Variants in SELENOT observed in about 807,000 individuals in gnomAD.
SELENOT encodes the protein selenoprotein T, also known as thioredoxin reductase-like selenoprotein T.
A neutral mutation model predicts 24.3 loss-of-function variants in SELENOT; 9 were observed. The observed-to-expected ratio is 0.37, with a 90% CI of 0.22 to 0.65. The LOEUF (loss-of-function observed/expected upper bound fraction) is 0.65. Among genes scored for constraint, SELENOT ranks in the 30% least tolerant of loss-of-function variants. The pLI, the probability that SELENOT is intolerant of heterozygous loss-of-function variation, is 0.60. For missense variants in SELENOT, 166 were observed against 247.6 expected (o/e 0.67, Z 2.21); for synonymous variants, 81 against 86.0 (o/e 0.94, Z 0.32).
At chr3:150,604,160 C>T (rs1197629622) in intron 1 of SELENOT, among the ~76,000 whole-genome samples, 2 of 152,194 alleles carry the variant, frequency 1.3e-5, no homozygotes, top group East Asian at 1.9e-4. Context: ...ATTGACAGTT[C>T]GCTCGCATTC....
chr3:150,616,048 T>C (rs1470601287), intron 1 of SELENOT, among the ~76,000 whole-genome samples: 2 of 151,924 alleles, frequency 1.3e-5, no homozygotes, highest in African/African-American at 4.8e-5. Context: ...TGATGCCGCA[T>C]ATCTACAACT....
chr3:150,618,114 C>G (rs1726260013), intron 1 of SELENOT, among the ~76,000 whole-genome samples: 1 of 152,214 alleles, frequency 6.6e-6, no homozygotes. Flanking sequence ...GCCTCAGCCT[C>G]CCAAAGTGCT....
At chr3:150,604,719 A>G (rs976090236) in intron 1 of SELENOT, among the ~76,000 whole-genome samples, 13 of 152,330 alleles carry the variant, frequency 8.5e-5, no homozygotes, top group South Asian at 6.2e-4. Context: ...AGTGAAAACT[A>G]AAACATTGCA....
At chr3:150,611,917 C>T in intron 1 of SELENOT, 1 of 981,092 alleles carries the variant, frequency 1.0e-6, no homozygotes, top group South Asian at 1.5e-5. Context: ...CAGAAATCCC[C>T]ACTCTCCTGG....
rs573312931 is a variant in SELENOT, at chr3:150,620,357, T to TA, written c.138-2027dup. ...ACAAAGGGAACTTACTTCCTGGACATATGAAGGATAGCTCTTGAATCATCT... is the reference window on the plus strand; with the variant it reads ...ACAAAGGGAACTTACTTCCTGGACATAATGAAGGATAGCTCTTGAATCATCT... On this transcript the variant is annotated intron_variant, in intron 1 of 5. Coordinates refer to ENST00000471696, the MANE Select transcript of SELENOT (RefSeq NM_016275.5). Among the ~76,000 whole-genome samples the TA allele has an allele frequency of 9.2e-5, 14 of 152,278 alleles. No individual in the cohort carries two copies. In the South Asian group the frequency reaches 2.7e-3, roughly 29 times the overall value.
chr3:150,620,918 A>G (rs1016455236), intron 1 of SELENOT, among the ~76,000 whole-genome samples: 1 of 152,198 alleles, frequency 6.6e-6, no homozygotes. Context: ...TTGCAGAGAA[A>G]GCAATTGTGG....
chr3:150,613,575 GA>G (rs1273596119), intron 1 of SELENOT, among the ~76,000 whole-genome samples: 1 of 148,528 alleles, frequency 6.7e-6, no homozygotes, highest in Admixed American at 6.7e-5. Flanking sequence ...GCACAAAAGT[GA>G]ATAAAGGAAG....
At chr3:150,613,856 C>T (rs114016900) in intron 1 of SELENOT, among the ~76,000 whole-genome samples, 10,582 of 151,766 alleles carry the variant, frequency 0.07, 401 homozygotes, top group Non-Finnish European at 0.082. Flanking sequence ...CTCTTCTGCT[C>T]TTGAAGACTG....
At chr3:150,611,231 A>AT (rs1726082922) in intron 1 of SELENOT, 1 of 1,054,666 alleles carries the variant, frequency 9.5e-7, no homozygotes, top group African/African-American at 1.6e-5. Context: ...CAGTGTTAAC[A>AT]TCCAAGTTTT....
At chr3:150,604,421 A>G (rs1265784133) in intron 1 of SELENOT, among the ~76,000 whole-genome samples, 3 of 152,154 alleles carry the variant, frequency 2.0e-5, no homozygotes, top group Non-Finnish European at 4.4e-5. Context: ...AGAATCTTAC[A>G]CCTCCAAAGA....
At chr3:150,620,315 C>T (rs1167110728) in intron 1 of SELENOT, among the ~76,000 whole-genome samples, 1 of 152,150 alleles carries the variant, frequency 6.6e-6, no homozygotes, top group African/African-American at 2.4e-5. Context: ...TATAGGTACC[C>T]GATGGTGGCA....
chr3:150,620,523 T>C (rs1214852807), intron 1 of SELENOT, among the ~76,000 whole-genome samples: 1 of 152,198 alleles, frequency 6.6e-6, no homozygotes, highest in Non-Finnish European at 1.5e-5. Flanking sequence ...CCTGCTACAG[T>C]GCTTACCATG....
At chr3:150,621,160 G>A (rs1205476875) in intron 1 of SELENOT, among the ~76,000 whole-genome samples, 8 of 152,074 alleles carry the variant, frequency 5.3e-5, no homozygotes, top group Admixed American at 4.6e-4. Flanking sequence ...ATAGAGATTT[G>A]TATCTCTTTG....
chr3:150,612,242 G>A (rs1320148186), intron 1 of SELENOT, among the ~76,000 whole-genome samples: 7 of 152,000 alleles, frequency 4.6e-5, no homozygotes, highest in Admixed American at 2.6e-4. Context: ...ACAGGCGCCC[G>A]CCACCGCACC....
intron 1 of SELENOT, among the ~76,000 whole-genome samples, chr3:150,612,917 G>T (rs1367809025): frequency 6.6e-6 from 1 of 152,178 alleles, no homozygotes; most frequent in Admixed American, 6.5e-5. Context: ...TTCTCATTAA[G>T]ATTGTGACTA....
rs778564387 is a variant in SELENOT at position 150,627,159 on chromosome 3, CTT to C, written c.*28_*29del. The C allele has an allele frequency of 5.6e-6, 9 of 1,600,692 alleles. No homozygotes were observed. Among genetic ancestry groups the C allele is most frequent in the Non-Finnish European group, 6.8e-6 (8 of 1,172,776 alleles). ...GCACCACCTATCAGCACTGAAAACTCTTTTGTAAGTTGTTTAAAATATAGCTA... is the reference window on the plus strand; with the variant it reads ...GCACCACCTATCAGCACTGAAAACTCTTGTAAGTTGTTTAAAATATAGCTA... On this transcript the variant is annotated splice_region_variant and 3_prime_UTR_variant, in exon 5 of 6. Transcript: ENST00000471696.
At chr3:150,621,568 G>A (rs1001277601) in intron 1 of SELENOT, among the ~76,000 whole-genome samples, 5 of 133,086 alleles carry the variant, frequency 3.8e-5, no homozygotes, top group African/African-American at 1.1e-4. Context: ...TGATATAAAT[G>A]TACCATCTTC....
At chr3:150,625,270 G>A (rs1726415983) in intron 4 of SELENOT, among the ~76,000 whole-genome samples, 3 of 151,956 alleles carry the variant, frequency 2.0e-5, no homozygotes, top group Admixed American at 2.0e-4. Context: ...ATGCTATGCT[G>A]AAGAATCTTA....
At chr3:150,611,043 TTTTG>T (rs2108006728) in intron 1 of SELENOT, among the ~76,000 whole-genome samples, 1 of 129,220 alleles carries the variant, frequency 7.7e-6, no homozygotes, top group Non-Finnish European at 1.7e-5. Context: ...GTGTATTTGT[TTTTG>T]TTTTCTTTTT....
Sources: allele counts gnomAD v4.1 joint callset (sites outside exome capture counted in the v4.1 genomes callset), GRCh38; gene constraint gnomAD v4.1.1; transcripts MANE v1.5; gene names NCBI Gene and HGNC (gene_info 2026-07-23, HGNC 2026-07-21).